The following GAREM1 variants were observed in gnomAD, a reference collection of about 807,000 sequenced individuals.
The protein encoded by GAREM1 is GRB2-associated and regulator of MAPK protein 1.
A neutral mutation model predicts 71.3 loss-of-function variants in GAREM1; 26 were observed. That is an observed-to-expected ratio of 0.36 (90% CI 0.27 to 0.51). The LOEUF (loss-of-function observed/expected upper bound fraction) is 0.51. Ranked by LOEUF, GAREM1 falls within the 20% of genes least tolerant of loss-of-function variation. The pLI, the probability that GAREM1 is intolerant of heterozygous loss-of-function variation, is 0.95. For synonymous variants in GAREM1, 440 were observed against 433.2 expected, an observed-to-expected ratio of 1.02 and a Z score of -0.20; for missense variants, 1,026 against 1,103.1, an observed-to-expected ratio of 0.93 and a Z score of 0.99.
At chr18:32,273,438 G>T (rs1218838990) in intron 4 of GAREM1, among the ~76,000 whole-genome samples, 2 of 152,168 alleles carry the variant, frequency 1.3e-5, no homozygotes, top group Non-Finnish European at 2.9e-5. Flanking sequence ...CCCTCTTCCT[G>T]TACTTATAAT....
chr18:32,314,698 C>T (rs1336099998), intron 2 of GAREM1, among the ~76,000 whole-genome samples: 1 of 151,828 alleles, frequency 6.6e-6, no homozygotes, highest in Admixed American at 6.6e-5. Flanking sequence ...AAGCCATTCT[C>T]CTGCCTCAGC....
chr18:32,422,646 G>T (rs1031128221), intron 1 of GAREM1, among the ~76,000 whole-genome samples: 2 of 152,126 alleles, frequency 1.3e-5, no homozygotes, highest in African/African-American at 4.8e-5. Context: ...TGGAAGAAAG[G>T]TTTTCTTTAT....
intron 2 of GAREM1, among the ~76,000 whole-genome samples, chr18:32,323,742 A>G (rs996768005): frequency 3.9e-5 from 6 of 152,216 alleles, no homozygotes; most frequent in African/African-American, 1.4e-4. Context: ...CAAGGTTCCA[A>G]TATGTAAAAA....
At chr18:32,316,875 T>C (rs1395079017) in intron 2 of GAREM1, among the ~76,000 whole-genome samples, 1 of 152,100 alleles carries the variant, frequency 6.6e-6, no homozygotes, top group Non-Finnish European at 1.5e-5. Context: ...ATTGCAGGAG[T>C]TGGCAAACTT....
At position 32,272,772 on chromosome 18, in the gene GAREM1, C is replaced by T. The variant is rs921280030; in HGVS notation, c.1567-2389G>A. On this transcript the variant is annotated intron_variant, in intron 4 of 5. Transcript: ENST00000269209. ...CTGAGTAGCTGGGATCACAGGCATG[C>T]GCCACCACACCCAGCTAATTTTGTA... is the stretch of plus-strand genomic sequence containing the variant. 6.6e-5 allele frequency among the ~76,000 whole-genome samples: 10 copies of T among 152,270 alleles called. No homozygotes were observed. In the East Asian group the frequency reaches 7.7e-4, roughly 12 times the overall value.
chr18:32,429,422 T>C (rs945865077), intron 1 of GAREM1, among the ~76,000 whole-genome samples: 5 of 152,222 alleles, frequency 3.3e-5, no homozygotes, highest in African/African-American at 1.2e-4. Context: ...TTCTGGGTAA[T>C]GTCCACCTCC....
intron 1 of GAREM1, among the ~76,000 whole-genome samples, chr18:32,450,662 C>T (rs931464366): frequency 6.6e-6 from 1 of 152,144 alleles, no homozygotes; most frequent in African/African-American, 2.4e-5. Flanking sequence ...CTCAACATAG[C>T]CACAAATTAT....
chr18:32,287,290 G>A lies in GAREM1; in HGVS notation c.1307C>T (p.Pro436Leu), dbSNP rs756787452. The part of the protein sequence containing the change: ...SGDSGSDYLF[P>L]EASEESAGIP... ...GCCTGCTGATTCTTCACTAGCTTCT[G>A]GGAAAAGGTAGTCGCTCCCACTATC... The change falls in exon 4 of 6, where the codon CCA becomes CTA. Residue 436 changes from proline (P) to leucine (L), a missense_variant. By Grantham distance (98) the Pro-to-Leu change is moderately conservative. Around this residue, in one of 3 missense-constraint regions of GAREM1, gnomAD observed 636 missense variants for 631.2 expected, o/e 1.01. Transcript: ENST00000269209. This position sits in a 1 kb window ranked among gnomAD's most constrained non-coding sequence, Gnocchi z 5.9. The A allele has an allele frequency of 6.2e-7, 1 of 1,614,210 alleles. No individual in the cohort carries two copies. Among genetic ancestry groups the A allele is most frequent in the Non-Finnish European group, 8.5e-7 (1 of 1,180,044 alleles).
Position 32,337,481 on chromosome 18 carries a change from C to T in GAREM1, c.263-27158G>A, listed in dbSNP as rs867446741. On this transcript the variant is annotated intron_variant, in intron 2 of 5. Coordinates refer to ENST00000269209, the MANE Select transcript of GAREM1 (RefSeq NM_001242409.2). ...ACTGATAACTCGGTAATTCTGTGCG[C>T]TATTACCCGGCTTATCCACTTAAAA... Among the ~76,000 whole-genome samples the T allele has an allele frequency of 1.9e-4, 29 of 152,202 alleles. 1 individual carries two copies. Among genetic ancestry groups the T allele is most frequent in the Admixed American group, 1.1e-3 (17 of 15,280 alleles).
chr18:32,378,871 C>G (rs770195603), intron 2 of GAREM1, among the ~76,000 whole-genome samples: 7 of 152,306 alleles, frequency 4.6e-5, no homozygotes, highest in Middle Eastern at 6.8e-3. Flanking sequence ...CACGAAAGGC[C>G]ATTCCCATCT....
chr18:32,445,939 T>C (rs976282788), intron 1 of GAREM1, among the ~76,000 whole-genome samples: 4 of 152,158 alleles, frequency 2.6e-5, no homozygotes, highest in African/African-American at 9.7e-5. Context: ...AACCATGTTA[T>C]TCCAGGAAGT....
intron 1 of GAREM1, among the ~76,000 whole-genome samples, chr18:32,404,511 T>C (rs750196983): frequency 7.2e-5 from 11 of 152,114 alleles, no homozygotes; most frequent in Non-Finnish European, 1.0e-4. Context: ...GTGATTTTAG[T>C]TAATTCTATA....
chr18:32,376,173 C>T (rs2048029040), intron 2 of GAREM1, among the ~76,000 whole-genome samples: 1 of 152,130 alleles, frequency 6.6e-6, no homozygotes, highest in Admixed American at 6.5e-5. Context: ...TTACATATAA[C>T]ATTTAACATG....
Position 32,363,412 on chromosome 18 carries a change from TA to T in GAREM1, c.262+29482del, listed in dbSNP as rs1386838577. Among the ~76,000 whole-genome samples the T allele has an allele frequency of 2.2e-4, 34 of 152,298 alleles. 2 individuals are homozygous for T. In the South Asian group the frequency reaches 5.6e-3, roughly 25 times the overall value. On this transcript the variant is annotated intron_variant, in intron 2 of 5. Transcript: ENST00000269209. Reference sequence around the variant, plus strand: ...AAATATGCTGTCATAATTGTATAGTTAACTATCCTGCTTAAATTCTTGATGA... The same window carrying T: ...AAATATGCTGTCATAATTGTATAGTTACTATCCTGCTTAAATTCTTGATGA...
chr18:32,353,811 T>C (rs996479304), intron 2 of GAREM1, among the ~76,000 whole-genome samples: 1 of 152,030 alleles, frequency 6.6e-6, no homozygotes, highest in African/African-American at 2.4e-5. Flanking sequence ...TGATTTAGAA[T>C]TGATAGAAAT....
chr18:32,267,855 G>A lies in GAREM1; in HGVS notation c.*16C>T. The A allele has an allele frequency of 1.3e-6, 2 of 1,597,036 alleles. No homozygotes were observed. Among genetic ancestry groups the A allele is most frequent in the Non-Finnish European group, 1.7e-6 (2 of 1,169,722 alleles). On this transcript the variant is annotated 3_prime_UTR_variant, in exon 6 of 6. Coordinates refer to ENST00000269209, the MANE Select transcript of GAREM1 (RefSeq NM_001242409.2). ...CATTGATCAGTTTTGTTCCATGCTG[G>A]CCGGGGGTTATTTGGCTATATTTTG... is the stretch of plus-strand genomic sequence containing the variant.
chr18:32,388,425 G>A (rs2144652827), intron 2 of GAREM1, among the ~76,000 whole-genome samples: 1 of 152,304 alleles, frequency 6.6e-6, no homozygotes, highest in Middle Eastern at 3.4e-3. Flanking sequence ...GGTGGGGGGA[G>A]AAGATTTAGG....
intron 1 of GAREM1, among the ~76,000 whole-genome samples, chr18:32,460,028 T>A (rs556932249): frequency 6.6e-6 from 1 of 151,822 alleles, no homozygotes; most frequent in South Asian, 2.1e-4. Context: ...TACTTTTAGA[T>A]ATTTAAACTC....
chr18:32,268,363 A>C lies in GAREM1; in HGVS notation c.2139T>G (p.Ala713=). The C allele has an allele frequency of 6.2e-7, 1 of 1,614,202 alleles. No individual in the cohort carries two copies. Among genetic ancestry groups the C allele is most frequent in the Non-Finnish European group, 8.5e-7 (1 of 1,180,032 alleles). Residue 713 remains alanine (A), a synonymous_variant, in exon 6 of 6, where the codon GCT becomes GCG. Coordinates refer to ENST00000269209, the MANE Select transcript of GAREM1 (RefSeq NM_001242409.2). ...LESTDVKSLA[A]GVTKQSTSCP... ...ATGACGTACTCTGCTTTGTCACACCAGCTGCAAGAGATTTCACATCTGTGC... is the reference window on the plus strand; with the variant it reads ...ATGACGTACTCTGCTTTGTCACACCCGCTGCAAGAGATTTCACATCTGTGC...
Sources: gnomAD v4.1 joint callset for allele counts (sites outside exome capture counted in the v4.1 genomes callset) on GRCh38, gnomAD v4.1.1 for gene constraint, gnomAD v4.1.1 regional missense constraint, Gnocchi (gnomAD v3.1) non-coding constraint, MANE v1.5 for transcripts, NCBI Gene and HGNC (gene_info 2026-07-23, HGNC 2026-07-21) for gene names.